The following HOMER2 variants were observed in gnomAD, a reference collection of about 807,000 sequenced individuals.
HOMER2 encodes the protein homer protein homolog 2.
In HOMER2, 27 loss-of-function variants were observed where a neutral mutation model predicts 47.0. The observed-to-expected ratio is 0.57, with a 90% CI of 0.42 to 0.79. The LOEUF (loss-of-function observed/expected upper bound fraction) is 0.79, where lower values mean the gene tolerates loss of function less well. Ranked by LOEUF, HOMER2 falls within the 30% of genes least tolerant of loss-of-function variation. HOMER2 has a pLI of 0.00. For synonymous variants in HOMER2, 161 were observed against 163.8 expected (o/e 0.98, Z 0.13); for missense variants, 443 against 435.0 (o/e 1.02, Z -0.16).
intron 1 of HOMER2, among the ~76,000 whole-genome samples, chr15:82,970,992 G>A (rs2029965881): frequency 6.6e-6 from 1 of 152,160 alleles, no homozygotes; most frequent in Admixed American, 6.5e-5. Flanking sequence ...ATAGTCCATG[G>A]CCCCTGGTAA....
intron 2 of HOMER2, 108 bp from the exon 3 acceptor site, chr15:82,875,512 T>C (rs982338127): frequency 8.4e-7 from 1 of 1,194,980 alleles, no homozygotes; most frequent in Non-Finnish European, 1.2e-6. Flanking sequence ...CTGTATCCTC[T>C]GCCCTGTTAA....
intron 1 of HOMER2, among the ~76,000 whole-genome samples, chr15:82,895,942 A>C (rs1467168796): frequency 6.6e-6 from 1 of 152,184 alleles, no homozygotes; most frequent in Non-Finnish European, 1.5e-5. Flanking sequence ...CTGGGGAGAC[A>C]TTCACATTAG....
rs553641670 is a variant in HOMER2, at chr15:82,849,632, T to C, written c.*83A>G. The C allele has an allele frequency of 1.5e-5, 19 of 1,234,120 alleles. No homozygotes were observed. In the South Asian group the frequency reaches 2.2e-4, roughly 14 times the overall value. The allele number at this position is 1,234,120 out of a possible 1,614,324, so 76.4% of individuals were successfully genotyped here. On this transcript the variant is annotated 3_prime_UTR_variant, in exon 9 of 9. Coordinates refer to ENST00000450735, the MANE Select transcript of HOMER2 (RefSeq NM_004839.4). The stretch of plus-strand genomic sequence containing the variant: ...ACTGCGCCTGCATTTACAGAAGCAA[T>C]GCACACAGAAGAACGTCCTAGAGCT...
intron 5 of HOMER2, among the ~76,000 whole-genome samples, chr15:82,858,777 TACTC>T (rs2051672897): frequency 6.6e-6 from 1 of 151,956 alleles, no homozygotes; most frequent in South Asian, 2.1e-4. Flanking sequence ...CACATTTACA[TACTC>T]ACAATATCTC....
At chr15:82,954,184 T>C (rs1483511059), upstream of HOMER2, among the ~76,000 whole-genome samples, 1 of 152,198 alleles carries the variant, frequency 6.6e-6, no homozygotes, top group Non-Finnish European at 1.5e-5. Context: ...AGTGAGCTTG[T>C]AGAACACTGA....
chr15:82,949,935 A>T (rs189332760), intron 1 of HOMER2, among the ~76,000 whole-genome samples: 2 of 152,234 alleles, frequency 1.3e-5, no homozygotes, highest in Admixed American at 1.3e-4. Context: ...AAGACCCCGG[A>T]GAGAAAGGTG....
chr15:82,861,709 T>C (rs1303720806), intron 4 of HOMER2, among the ~76,000 whole-genome samples: 2 of 152,094 alleles, frequency 1.3e-5, no homozygotes, highest in Non-Finnish European at 2.9e-5. Context: ...ATTACTAATT[T>C]TAAAAAGCAT....
intron 1 of HOMER2, among the ~76,000 whole-genome samples, chr15:82,933,690 C>T (rs1223383579): frequency 6.6e-6 from 1 of 152,186 alleles, no homozygotes; most frequent in Non-Finnish European, 1.5e-5. Context: ...TAGATGGGAG[C>T]GGGGCAGGCC....
At chr15:82,897,795 C>G (rs2052982599) in intron 1 of HOMER2, among the ~76,000 whole-genome samples, 1 of 152,218 alleles carries the variant, frequency 6.6e-6, no homozygotes, top group Admixed American at 6.5e-5. Context: ...CAGCCAACAA[C>G]CACATGAGCT....
chr15:82,879,916 T>C (rs1408297321), intron 2 of HOMER2, among the ~76,000 whole-genome samples: 1 of 152,044 alleles, frequency 6.6e-6, no homozygotes, highest in Non-Finnish European at 1.5e-5. Flanking sequence ...GAAATACTAA[T>C]CCAGCAGGAA....
chr15:82,845,213 TTTC>T (rs2051222245), downstream of HOMER2: 1 of 132,162 alleles, frequency 7.6e-6, no homozygotes, highest in East Asian at 2.1e-4. Flanking sequence ...CCTTTTGCTG[TTTC>T]TTCACACACA....
chr15:82,974,645 A>G (rs569935688), intron 1 of HOMER2, among the ~76,000 whole-genome samples: 40 of 152,270 alleles, frequency 2.6e-4, no homozygotes, highest in Admixed American at 9.8e-4. Flanking sequence ...CTTGGGAGAG[A>G]AGACTAGTAA....
At chr15:82,974,374 C>T (rs1406272907) in intron 1 of HOMER2, among the ~76,000 whole-genome samples, 3 of 150,672 alleles carry the variant, frequency 2.0e-5, no homozygotes, top group African/African-American at 4.9e-5. Context: ...ATTGCACTCC[C>T]GCCTGGGCAA....
intron 4 of HOMER2, among the ~76,000 whole-genome samples, chr15:82,861,042 AAAAG>A (rs1187350059): frequency 6.6e-6 from 1 of 152,162 alleles, no homozygotes; most frequent in African/African-American, 2.4e-5. Flanking sequence ...AAGAGAAAAG[AAAAG>A]AAAGACTTTT....
At chr15:82,852,375 G>A (rs1415780987) in intron 6 of HOMER2, 123 bp from the exon 7 acceptor site, 2 of 692,742 alleles carry the variant, frequency 2.9e-6, no homozygotes, top group African/African-American at 3.6e-5. Context: ...CCACTTATAA[G>A]ATTTTCTTTG....
At chr15:82,900,177 C>A (rs1297112735) in intron 1 of HOMER2, among the ~76,000 whole-genome samples, 1 of 152,080 alleles carries the variant, frequency 6.6e-6, no homozygotes, top group Non-Finnish European at 1.5e-5. Flanking sequence ...CCCCTATAGT[C>A]CCAGCCACTC....
At chr15:82,922,168 C>A (rs1314062036) in intron 1 of HOMER2, among the ~76,000 whole-genome samples, 2 of 152,192 alleles carry the variant, frequency 1.3e-5, no homozygotes, top group African/African-American at 4.8e-5. Context: ...CACCCCACCT[C>A]CAACACTGAA....
intron 1 of HOMER2, among the ~76,000 whole-genome samples, chr15:82,936,163 G>A (rs569235118): frequency 6.6e-6 from 1 of 152,122 alleles, no homozygotes; most frequent in Non-Finnish European, 1.5e-5. Flanking sequence ...CTTTGCACCT[G>A]CTCTTTCCTC....
At chr15:82,873,986 C>T (rs1169956173) in intron 3 of HOMER2, among the ~76,000 whole-genome samples, 1 of 152,250 alleles carries the variant, frequency 6.6e-6, no homozygotes, top group African/African-American at 2.4e-5. Context: ...GGGAGGCTTC[C>T]TGACTCACCC....
Sources: gnomAD v4.1 joint callset for allele counts (sites outside exome capture counted in the v4.1 genomes callset) on GRCh38, gnomAD v4.1.1 for gene constraint, MANE v1.5 for transcripts, NCBI Gene and HGNC (gene_info 2026-07-23, HGNC 2026-07-21) for gene names.